The following INTS7 variants were observed in gnomAD, a reference collection of about 807,000 sequenced individuals.
INTS7 encodes the protein integrator complex subunit 7, also known as chromosome 1 open reading frame 73.
INTS7 carries 46 observed loss-of-function variants against 109.2 expected under a neutral mutation model. The observed-to-expected ratio is 0.42, with a 90% CI of 0.33 to 0.54. The LOEUF (loss-of-function observed/expected upper bound fraction) is 0.54, where lower values mean the gene tolerates loss of function less well. Among genes scored for constraint, INTS7 ranks in the 20% least tolerant of loss-of-function variants. The pLI is 0.07. For synonymous variants in INTS7, 412 were observed against 402.9 expected (o/e 1.02, Z -0.27); for missense variants, 929 against 1,132.4 (o/e 0.82, Z 2.58).
In INTS7 at chr1:211,942,934, T is replaced by G. The variant is rs554956321; in HGVS notation, c.2602-823A>C. Among the ~76,000 whole-genome samples, 2 of 152,300 alleles carry G rather than the reference T, an allele frequency of 1.3e-5. No homozygotes were observed. Among genetic ancestry groups the G allele is most frequent in the African/African-American group, 4.8e-5 (2 of 41,574 alleles). On this transcript the variant is annotated intron_variant, in intron 19 of 19. Coordinates refer to ENST00000366994, the MANE Select transcript of INTS7 (RefSeq NM_015434.4). The surrounding 1 kb of genome is among the most constrained non-coding windows in gnomAD (Gnocchi z 4.2). ...CTCTAGGTTTATGTGCGTGTTTCTG[T>G]GGTGTAATTAATTATATAAATGTGC...
chr1:212,026,696 T>C (rs1307899143), intron 1 of INTS7, among the ~76,000 whole-genome samples: 1 of 152,188 alleles, frequency 6.6e-6, no homozygotes, highest in Admixed American at 6.5e-5. Context: ...GTATATGTGT[T>C]GGCAAAGGGG....
rs1364164830 is a variant in INTS7 at position 211,941,843 on chromosome 1, T to C, written c.2870A>G (p.Asn957Ser). The change falls in exon 20 of 20, where the codon AAT becomes AGT. Residue 957 changes from asparagine (N) to serine (S), a missense_variant. Around this residue, in one of 2 missense-constraint regions of INTS7, gnomAD observed 787 missense variants for 901.1 expected, o/e 0.87. Coordinates refer to ENST00000366994, the MANE Select transcript of INTS7 (RefSeq NM_015434.4). ...CCATGGTTAAAACCGTGTGTAGGCA[T>C]TGCGTTGCTGCTGCTGCTGTAATGG... ...QQPLQQQQQR[N>S]AYTRF 5.0e-6 allele frequency: 8 copies of C among 1,614,038 alleles called. No individual in the cohort carries two copies. The highest frequency in any genetic ancestry group is 4.5e-5 in the East Asian group (2 of 44,904).
chr1:212,016,556 G>A (rs1293931239), intron 4 of INTS7, among the ~76,000 whole-genome samples: 3 of 152,216 alleles, frequency 2.0e-5, no homozygotes, highest in African/African-American at 7.2e-5. Context: ...AAGCAATTTA[G>A]TATTACAGAT....
At chr1:211,968,856 G>A (rs935521622) in intron 13 of INTS7, 149 bp from the exon 14 acceptor site, 6 of 555,658 alleles carry the variant, frequency 1.1e-5, no homozygotes, top group South Asian at 3.5e-5. Flanking sequence ...AAAGAATAAT[G>A]TAATATTAGA....
intron 7 of INTS7, among the ~76,000 whole-genome samples, chr1:211,996,348 G>A (rs781760283): frequency 6.6e-6 from 1 of 152,136 alleles, no homozygotes; most frequent in East Asian, 1.9e-4. Flanking sequence ...CTTGAACCCA[G>A]GAGGTGGAGG....
intron 12 of INTS7, 109 bp downstream of exon 12, chr1:211,976,473 G>T (rs897169000): frequency 1.0e-6 from 1 of 971,606 alleles, no homozygotes; most frequent in East Asian, 2.5e-5. Flanking sequence ...TGACTAAAAG[G>T]TACTTCCATC....
chr1:211,975,295 T>C lies in INTS7; in HGVS notation c.1686A>G (p.Leu562=). The C allele has an allele frequency of 2.5e-6, 4 of 1,614,052 alleles. No individual in the cohort carries two copies. Among genetic ancestry groups the C allele is most frequent in the Non-Finnish European group, 3.4e-6 (4 of 1,179,932 alleles). ...QVASEHFYFW[L]NSLKEFSHAE... The stretch of plus-strand genomic sequence containing the variant: ...CATGTGAAAACTCCTTCAAACTATT[T>C]AGCCAGAAGTAGAAATGTTCTGAGG... Residue 562 remains leucine, a synonymous_variant, in exon 13 of 20, where the codon CTA becomes CTG. Coordinates refer to ENST00000366994, the MANE Select transcript of INTS7 (RefSeq NM_015434.4).
At chr1:212,018,750 T>C (rs1407279601) in intron 3 of INTS7, among the ~76,000 whole-genome samples, 2 of 152,182 alleles carry the variant, frequency 1.3e-5, no homozygotes, top group African/African-American at 4.8e-5. Context: ...TGTCAGTATA[T>C]ATAGACTCAC....
chr1:211,972,269 A>T (rs987640948), intron 13 of INTS7, among the ~76,000 whole-genome samples: 29 of 151,682 alleles, frequency 1.9e-4, no homozygotes, highest in Middle Eastern at 3.4e-3. Flanking sequence ...TTAAATGATT[A>T]AAAAAAAACT....
At position 212,007,330 on chromosome 1, in the gene INTS7, G is replaced by C. The variant is rs749148224; in HGVS notation, c.676C>G (p.Pro226Ala). The C allele has an allele frequency of 1.9e-6, 3 of 1,613,810 alleles. No individual in the cohort carries two copies. The South Asian group carries it at 3.3e-5, about 18-fold the overall frequency. Residue 226 changes from proline (P) to alanine (A), a missense_variant, in exon 6 of 20, where the codon CCG becomes GCG. This residue lies in a region of INTS7 where 787 missense variants were observed against 901.1 expected (regional missense o/e 0.87). Coordinates refer to ENST00000366994, the MANE Select transcript of INTS7 (RefSeq NM_015434.4). ...QLLQQLVTSY[P>A]STKMVIVSLH... Reference sequence around the variant, plus strand: ...GACACAATCACCATTTTGGTGGACGGATAGGATGTGACCAGCTGTTGTAAA... The same window carrying C: ...GACACAATCACCATTTTGGTGGACGCATAGGATGTGACCAGCTGTTGTAAA...
chr1:212,005,712 C>T (rs1164790384), intron 7 of INTS7, among the ~76,000 whole-genome samples: 1 of 152,132 alleles, frequency 6.6e-6, no homozygotes, highest in African/African-American at 2.4e-5. Flanking sequence ...AGCAATAAGA[C>T]TAGGGATCAG....
chr1:212,017,082 G>T, intron 3 of INTS7, 59 bp from the exon 4 acceptor site: 1 of 1,428,046 alleles, frequency 7.0e-7, no homozygotes, highest in Non-Finnish European at 9.4e-7. Context: ...GGTCAGAAAA[G>T]TAAGAGGCAA....
At chr1:211,988,952 A>C (rs866225360) in intron 7 of INTS7, among the ~76,000 whole-genome samples, 2 of 152,346 alleles carry the variant, frequency 1.3e-5, no homozygotes, top group Middle Eastern at 3.4e-3. Context: ...ATCACAGTAC[A>C]GTGACTCTTG....
At chr1:211,976,097 C>T (rs74673149) in intron 12 of INTS7, among the ~76,000 whole-genome samples, 3,143 of 152,202 alleles carry the variant, frequency 0.021, 119 homozygotes, top group African/African-American at 0.071. Context: ...CCACCCCACC[C>T]GGCCAGGATT....
intron 4 of INTS7, among the ~76,000 whole-genome samples, chr1:212,015,892 T>C (rs1666415617): frequency 6.6e-6 from 1 of 152,020 alleles, no homozygotes; most frequent in South Asian, 2.1e-4. Flanking sequence ...TATATCCTTC[T>C]AGTCTTTTTT....
At position 211,940,671 on chromosome 1, in the gene INTS7, C is replaced by T. The variant is rs1031720893; in HGVS notation, c.*1153G>A. On this transcript the variant is annotated 3_prime_UTR_variant, in exon 20 of 20. Coordinates refer to ENST00000366994, the MANE Select transcript of INTS7 (RefSeq NM_015434.4). ...GAAAAAAGGGGGTTTTCTGGCTAAC[C>T]AGAAAACTCTGTTCCCTGAGCATCC... The T allele has an allele frequency of 6.6e-6, 1 of 152,110 alleles. No homozygotes were observed. Among genetic ancestry groups the T allele is most frequent in the Non-Finnish European group, 1.5e-5 (1 of 68,002 alleles). 9.4% of individuals were successfully genotyped at this position (152,110 alleles called of 1,614,324 possible).
intron 17 of INTS7, among the ~76,000 whole-genome samples, chr1:211,949,552 CCTA>C (rs1662997440): frequency 6.6e-6 from 1 of 152,152 alleles, no homozygotes; most frequent in African/African-American, 2.4e-5. Flanking sequence ...TTTTCTCATT[CCTA>C]CTGCCATTTT....
intron 16 of INTS7, among the ~76,000 whole-genome samples, chr1:211,957,986 C>T (rs2102397000): frequency 6.6e-6 from 1 of 151,300 alleles, no homozygotes; most frequent in East Asian, 1.9e-4. Context: ...CCCCCGTTGT[C>T]TTATTTCATA....
At chr1:212,007,504 C>A in intron 5 of INTS7, 55 bp from the exon 6 acceptor site, 1 of 1,406,192 alleles carries the variant, frequency 7.1e-7, no homozygotes, top group South Asian at 1.2e-5. Context: ...TAATAATATT[C>A]CAGATTTAAA....
Sources: allele counts gnomAD v4.1 joint callset (sites outside exome capture counted in the v4.1 genomes callset), GRCh38; gene constraint gnomAD v4.1.1; regional missense constraint gnomAD v4.1.1; non-coding constraint Gnocchi (gnomAD v3.1); transcripts MANE v1.5; gene names NCBI Gene and HGNC (gene_info 2026-07-23, HGNC 2026-07-21).